DCAF17: variants seen among roughly 807,000 people sequenced by gnomAD.
DCAF17 encodes DDB1 and CUL4 associated factor 17, also known as DDB1- and CUL4-associated factor 17.
DCAF17 carries 48 observed loss-of-function variants against 66.0 expected under a neutral mutation model. The ratio of observed to expected loss-of-function variants is 0.73; its 90% CI spans 0.58 to 0.92. The LOEUF (loss-of-function observed/expected upper bound fraction) is 0.92, where lower values mean the gene tolerates loss of function less well. Ranked by LOEUF, DCAF17 falls within the 40% of genes least tolerant of loss-of-function variation. The pLI is 0.00. For synonymous variants in DCAF17, 206 were observed against 214.6 expected, an observed-to-expected ratio of 0.96 and a Z score of 0.35; for missense variants, 562 against 622.8, an observed-to-expected ratio of 0.90 and a Z score of 1.04.
At chr2:171,452,738 A>G (rs1238589138) in intron 5 of DCAF17, among the ~76,000 whole-genome samples, 9 of 152,248 alleles carry the variant, frequency 5.9e-5, no homozygotes, top group African/African-American at 2.2e-4. Flanking sequence ...GGCTGGAATT[A>G]TAGGCGTGAG....
intron 9 of DCAF17, among the ~76,000 whole-genome samples, 188 bp from the exon 10 acceptor site, chr2:171,473,678 G>A (rs1696365639): frequency 6.6e-6 from 1 of 152,132 alleles, no homozygotes; most frequent in African/African-American, 2.4e-5. Flanking sequence ...TGACATTTCT[G>A]AATTTAAATG....
chr2:171,474,222 A>G (rs1448039780), intron 10 of DCAF17: 1 of 508,134 alleles, frequency 2.0e-6, no homozygotes, highest in Admixed American at 3.2e-5. Context: ...GGAATTACAG[A>G]CTGGCCCTTT....
intron 2 of DCAF17, among the ~76,000 whole-genome samples, chr2:171,441,572 A>G (rs545959064): frequency 5.9e-5 from 9 of 152,252 alleles, no homozygotes; most frequent in African/African-American, 1.9e-4. Flanking sequence ...TGGGGACTGG[A>G]TGAGAAATGC....
intron 13 of DCAF17, among the ~76,000 whole-genome samples, 157 bp from the exon 14 acceptor site, chr2:171,480,817 A>G (rs1696709032): frequency 6.6e-6 from 1 of 152,194 alleles, no homozygotes; most frequent in Admixed American, 6.5e-5. Context: ...AATAATCTGC[A>G]TATCCACAAA....
At position 171,482,805 on chromosome 2, in the gene DCAF17, G is replaced by T. The variant is rs1196274067; in HGVS notation, c.*1691G>T. On this transcript the variant is annotated 3_prime_UTR_variant, in exon 14 of 14. Coordinates refer to ENST00000375255, the MANE Select transcript of DCAF17 (RefSeq NM_025000.4). ...CTGAATTCCTGGCTGCTTTTTTGCT[G>T]GGGGTAGATGGTGGAATACTTCTGG... 8.8e-6 allele frequency: 4 copies of T among 453,404 alleles called. No homozygotes were observed. The highest frequency in any genetic ancestry group is 6.2e-5 in the South Asian group (4 of 64,296). The allele number at this position is 453,404 out of a possible 1,614,324, so 28.1% of individuals were successfully genotyped here. A position where few individuals can be genotyped will look rare whatever the true frequency, so the allele number is the denominator to read the frequency against.
At chr2:171,436,994 G>A (rs983924680) in intron 2 of DCAF17, among the ~76,000 whole-genome samples, 1 of 152,050 alleles carries the variant, frequency 6.6e-6, no homozygotes, top group Non-Finnish European at 1.5e-5. Flanking sequence ...GGCTGGTCTC[G>A]AACGCCCAGC....
rs1280966759 is a variant in DCAF17 at position 171,483,020 on chromosome 2, G to C, written c.*1906G>C. 2.2e-6 allele frequency: 1 copy of C among 454,020 alleles called. No individual in the cohort carries two copies. The highest frequency in any genetic ancestry group is 4.4e-6 in the Non-Finnish European group (1 of 226,802). 28.1% of individuals were successfully genotyped at this position (454,020 alleles called of 1,614,324 possible). Reference sequence around the variant, plus strand: ...TAAAAGGAGCAGCTGCTACTGCTTAGTTTCAGCCAGTTGCAACAGTATGTG... The same window carrying C: ...TAAAAGGAGCAGCTGCTACTGCTTACTTTCAGCCAGTTGCAACAGTATGTG... On this transcript the variant is annotated 3_prime_UTR_variant, in exon 14 of 14. Transcript: ENST00000375255.
intron 2 of DCAF17, among the ~76,000 whole-genome samples, chr2:171,435,801 A>C (rs1260099265): frequency 6.6e-6 from 1 of 152,186 alleles, no homozygotes; most frequent in Non-Finnish European, 1.5e-5. Context: ...TGCATTTTTA[A>C]AAAAATGAGC....
intron 6 of DCAF17, among the ~76,000 whole-genome samples, chr2:171,454,639 G>A (rs1231898349): frequency 1.3e-5 from 2 of 151,642 alleles, no homozygotes; most frequent in Admixed American, 6.6e-5. Flanking sequence ...GCTCACACCT[G>A]TAATTTCAGC....
At chr2:171,470,160 A>G (rs1696160103) in intron 9 of DCAF17, among the ~76,000 whole-genome samples, 1 of 151,978 alleles carries the variant, frequency 6.6e-6, no homozygotes, top group Admixed American at 6.6e-5. Context: ...AGCATCTGGG[A>G]CTATAGGAGC....
At chr2:171,440,729 T>G (rs1253184282) in intron 2 of DCAF17, among the ~76,000 whole-genome samples, 1 of 152,158 alleles carries the variant, frequency 6.6e-6, no homozygotes, top group Non-Finnish European at 1.5e-5. Context: ...GTGTGCTTAT[T>G]TTTGTCTCCC....
Position 171,482,014 on chromosome 2 carries a change from G to A in DCAF17, c.*900G>A. 2.2e-6 allele frequency: 1 copy of A among 454,032 alleles called. No individual in the cohort carries two copies. Among genetic ancestry groups the A allele is most frequent in the Non-Finnish European group, 4.4e-6 (1 of 226,756 alleles). 28.1% of individuals were successfully genotyped at this position (454,032 alleles called of 1,614,324 possible). A position where few individuals can be genotyped will look rare whatever the true frequency, so the allele number is the denominator to read the frequency against. On this transcript the variant is annotated 3_prime_UTR_variant, in exon 14 of 14. Transcript: ENST00000375255. ...AGAGTCCCAGAAGAAGTTCTTACTA[G>A]CTTGGGAGTTACCTGATTAACCAGA...
rs1166150809 is a variant in DCAF17 at position 171,481,996 on chromosome 2, CAGA to C, written c.*888_*890del. The C allele has an allele frequency of 1.1e-5, 5 of 454,008 alleles. No individual in the cohort carries two copies. In the Admixed American group the frequency reaches 1.2e-4, roughly 11 times the overall value. The allele number at this position is 454,008 out of a possible 1,614,324, so 28.1% of individuals were successfully genotyped here. A position where few individuals can be genotyped will look rare whatever the true frequency, so the allele number is the denominator to read the frequency against. On this transcript the variant is annotated 3_prime_UTR_variant, in exon 14 of 14. Coordinates refer to ENST00000375255, the MANE Select transcript of DCAF17 (RefSeq NM_025000.4). Reference sequence around the variant, plus strand: ...CTGTAGAAAAGTGGATAAAGAGTCCCAGAAGAAGTTCTTACTAGCTTGGGAGTT... The same window carrying C: ...CTGTAGAAAAGTGGATAAAGAGTCCCAGAAGTTCTTACTAGCTTGGGAGTT...
At chr2:171,472,941 G>T in intron 9 of DCAF17, 1 of 331,086 alleles carries the variant, frequency 3.0e-6, no homozygotes, top group Non-Finnish European at 6.2e-6. Context: ...CGTTCCCAGT[G>T]CTTCTGGATA....
At position 171,484,144 on chromosome 2, in the gene DCAF17, TTAG is replaced by T; in HGVS notation, c.*3035_*3037del. On this transcript the variant is annotated 3_prime_UTR_variant, in exon 14 of 14. Coordinates refer to ENST00000375255, the MANE Select transcript of DCAF17 (RefSeq NM_025000.4). Reference sequence around the variant, plus strand: ...CCTTTGTTTGTGGTGATAATCAGTATTAGTAGTTTTCATATTATTTGGCTTCCA... The same window carrying T: ...CCTTTGTTTGTGGTGATAATCAGTATTAGTTTTCATATTATTTGGCTTCCA... 1 of 449,984 alleles carries T rather than the reference TTAG, an allele frequency of 2.2e-6. No individual in the cohort carries two copies. Among genetic ancestry groups the T allele is most frequent in the South Asian group, 1.6e-5 (1 of 63,004 alleles). 27.9% of individuals were successfully genotyped at this position (449,984 alleles called of 1,614,324 possible).
chr2:171,441,935 A>G (rs1694327295), intron 2 of DCAF17, among the ~76,000 whole-genome samples: 1 of 152,170 alleles, frequency 6.6e-6, no homozygotes, highest in Admixed American at 6.5e-5. Context: ...TTATCTTATC[A>G]TGTCATTATC....
chr2:171,438,850 T>C (rs1364571918), intron 2 of DCAF17, among the ~76,000 whole-genome samples: 1 of 142,902 alleles, frequency 7.0e-6, no homozygotes, highest in African/African-American at 2.5e-5. Flanking sequence ...AATCCGACCA[T>C]CTCAGCCTCC....
Position 171,483,257 on chromosome 2 carries a change from C to G in DCAF17, c.*2143C>G, listed in dbSNP as rs1441265018. ...TGCCCTACCTAAACCCCCTCTTTAC[C>G]TGATATTTTAATTCGAGACTCTAGC... is the stretch of plus-strand genomic sequence containing the variant. On this transcript the variant is annotated 3_prime_UTR_variant, in exon 14 of 14. Coordinates refer to ENST00000375255, the MANE Select transcript of DCAF17 (RefSeq NM_025000.4). 2 of 453,956 alleles carry G rather than the reference C, an allele frequency of 4.4e-6. No individual in the cohort carries two copies. Among genetic ancestry groups the G allele is most frequent in the African/African-American group, 2.0e-5 (1 of 49,968 alleles). 28.1% of individuals were successfully genotyped at this position (453,956 alleles called of 1,614,324 possible). A position where few individuals can be genotyped will look rare whatever the true frequency, so the allele number is the denominator to read the frequency against.
intron 6 of DCAF17, among the ~76,000 whole-genome samples, chr2:171,455,253 G>A (rs1695189820): frequency 6.6e-6 from 1 of 152,186 alleles, no homozygotes; most frequent in East Asian, 1.9e-4. Flanking sequence ...TGAGAACATG[G>A]AGTATTTGGT....
Sources: gnomAD v4.1 joint callset for allele counts (sites outside exome capture counted in the v4.1 genomes callset) on GRCh38, gnomAD v4.1.1 for gene constraint, MANE v1.5 for transcripts, NCBI Gene and HGNC (gene_info 2026-07-23, HGNC 2026-07-21) for gene names.